The following LDB2 variants were observed in gnomAD, a reference collection of about 807,000 sequenced individuals.
LDB2 encodes the protein LIM domain binding 2.
A neutral mutation model predicts 44.3 loss-of-function variants in LDB2; 12 were observed. That is an observed-to-expected ratio of 0.27 (90% CI 0.17 to 0.44). The LOEUF is 0.44. Ranked by LOEUF, LDB2 falls within the 20% of genes least tolerant of loss-of-function variation. The pLI, the probability that LDB2 is intolerant of heterozygous loss-of-function variation, is 1.00. For synonymous variants in LDB2, 164 were observed against 174.8 expected (o/e 0.94, Z 0.49); for missense variants, 344 against 473.5 (o/e 0.73, Z 2.54).
chr4:16,856,532 T>G (rs1789392784), intron 1 of LDB2, among the ~76,000 whole-genome samples: 1 of 152,200 alleles, frequency 6.6e-6, no homozygotes, highest in African/African-American at 2.4e-5. Context: ...GTCAAAGTTT[T>G]AACTACTCAA....
At chr4:16,759,135 A>G in intron 2 of LDB2, 23 bp downstream of exon 2, 1 of 1,538,450 alleles carries the variant, frequency 6.5e-7, no homozygotes, top group East Asian at 2.2e-5. Context: ...AGGTAATATT[A>G]GAAAAATAAA....
chr4:16,680,228 C>T (rs1747465428), intron 2 of LDB2, among the ~76,000 whole-genome samples: 1 of 152,336 alleles, frequency 6.6e-6, no homozygotes, highest in East Asian at 1.9e-4. Flanking sequence ...TGCTGGACTT[C>T]CCTGCTTTCA....
rs1197875360 is a variant in LDB2, at chr4:16,739,656, A to G, written c.235+19502T>C. Among the ~76,000 whole-genome samples, 2 of 86,252 alleles carry G rather than the reference A, an allele frequency of 2.3e-5. 1 individual carries two copies. The highest frequency in any genetic ancestry group is 6.6e-4 in the South Asian group (2 of 3,046). 56.6% of individuals were successfully genotyped at this position (86,252 alleles called of 152,430 possible). A position where few individuals can be genotyped will look rare whatever the true frequency, so the allele number is the denominator to read the frequency against. On this transcript the variant is annotated intron_variant, in intron 2 of 7. Coordinates refer to ENST00000304523, the MANE Select transcript of LDB2 (RefSeq NM_001290.5). ...TATATGTATATATACATATGTGTGT[A>G]TATATGTATATATACATATGTGTGT...
intron 2 of LDB2, among the ~76,000 whole-genome samples, chr4:16,677,353 A>G (rs1746604757): frequency 6.6e-6 from 1 of 152,240 alleles, no homozygotes; most frequent in Non-Finnish European, 1.5e-5. Flanking sequence ...ACAAATAAAA[A>G]TGTATTCACA....
intron 1 of LDB2, among the ~76,000 whole-genome samples, chr4:16,875,323 A>T (rs185580111): frequency 6.6e-6 from 1 of 152,322 alleles, no homozygotes; most frequent in African/African-American, 2.4e-5. Context: ...ATACAAAATT[A>T]ATTTATCAAT....
At chr4:16,624,246 C>T (rs111612397) in intron 2 of LDB2, among the ~76,000 whole-genome samples, 236 of 152,164 alleles carry the variant, frequency 1.6e-3, no homozygotes, top group African/African-American at 5.2e-3. Context: ...CTCAAAACTG[C>T]ACACTGAAAT....
At chr4:16,576,061 A>G (rs1265167123) in intron 5 of LDB2, among the ~76,000 whole-genome samples, 1 of 152,222 alleles carries the variant, frequency 6.6e-6, no homozygotes, top group Non-Finnish European at 1.5e-5. Context: ...TAATAGAAAC[A>G]TAACATACAA....
chr4:16,586,765 T>C (rs1717132955), intron 4 of LDB2, among the ~76,000 whole-genome samples: 1 of 152,180 alleles, frequency 6.6e-6, no homozygotes, highest in Admixed American at 6.5e-5. Flanking sequence ...TGGGATCCAT[T>C]TTAAAATGAC....
chr4:16,871,865 G>T (rs1190862103), intron 1 of LDB2, among the ~76,000 whole-genome samples: 2 of 151,908 alleles, frequency 1.3e-5, no homozygotes, highest in African/African-American at 4.8e-5. Context: ...CAGATGATCC[G>T]CCCACCTCGG....
chr4:16,827,045 G>A (rs561103081), intron 1 of LDB2, among the ~76,000 whole-genome samples: 2 of 152,270 alleles, frequency 1.3e-5, no homozygotes, highest in East Asian at 1.9e-4. Context: ...TGAAGAAAGT[G>A]CAAACCAGTT....
intron 1 of LDB2, among the ~76,000 whole-genome samples, chr4:16,856,524 C>A (rs1490369705): frequency 6.6e-6 from 1 of 152,104 alleles, no homozygotes; most frequent in Non-Finnish European, 1.5e-5. Context: ...TTTTGCAGGT[C>A]AAAGTTTTAA....
chr4:16,590,764 G>A (rs1718648973), intron 3 of LDB2, among the ~76,000 whole-genome samples: 1 of 152,174 alleles, frequency 6.6e-6, no homozygotes, highest in African/African-American at 2.4e-5. Context: ...TCAGGCATGT[G>A]GGCACATTGC....
At chr4:16,844,248 CAAAAAAAAAAAAAA>C (rs34034796) in intron 1 of LDB2, among the ~76,000 whole-genome samples, 2 of 30,060 alleles carry the variant, frequency 6.7e-5, no homozygotes, top group Admixed American at 5.8e-4. Context: ...ACCCTGTCTC[CAAAAAAAAAAAAAA>C]AAAAAAAAAA....
chr4:16,863,038 C>T (rs748998180), intron 1 of LDB2, among the ~76,000 whole-genome samples: 15 of 152,112 alleles, frequency 9.9e-5, no homozygotes, highest in South Asian at 2.1e-4. Flanking sequence ...ACAGAGGGCA[C>T]GGGCTCCAGC....
intron 1 of LDB2, among the ~76,000 whole-genome samples, chr4:16,783,732 C>A (rs1773810904): frequency 6.6e-6 from 1 of 152,210 alleles, no homozygotes; most frequent in Admixed American, 6.5e-5. Flanking sequence ...TTCCTAATTG[C>A]TTCCTCATGG....
Position 16,533,344 on chromosome 4 carries a change from C to T in LDB2, c.616-21240G>A, listed in dbSNP as rs994430101. The stretch of plus-strand genomic sequence containing the variant: ...AAAGTTAAAAAACCATTCATGTCTG[C>T]AAAAATGGAAATAATAATAGCTACC... On this transcript the variant is annotated intron_variant, in intron 5 of 7. Coordinates refer to ENST00000304523, the MANE Select transcript of LDB2 (RefSeq NM_001290.5). This position sits in a 1 kb window ranked among gnomAD's most constrained non-coding sequence, Gnocchi z 4.1. 2.0e-5 allele frequency among the ~76,000 whole-genome samples: 3 copies of T among 152,080 alleles called. No individual in the cohort carries two copies. The highest frequency in any genetic ancestry group is 4.4e-5 in the Non-Finnish European group (3 of 68,014).
At chr4:16,734,695 CTTGTT>C (rs1761487543) in intron 2 of LDB2, among the ~76,000 whole-genome samples, 1 of 134,390 alleles carries the variant, frequency 7.4e-6, no homozygotes, top group Non-Finnish European at 1.6e-5. Context: ...TTCCCAACTT[CTTGTT>C]TTCTTTTTTT....
At chr4:16,785,630 G>A (rs1177479369) in intron 1 of LDB2, among the ~76,000 whole-genome samples, 4 of 152,190 alleles carry the variant, frequency 2.6e-5, no homozygotes, top group South Asian at 4.1e-4. Context: ...AGCATGAGAA[G>A]TGGTTCCTGA....
chr4:16,614,239 C>A (rs1726492534), intron 2 of LDB2, among the ~76,000 whole-genome samples: 1 of 152,150 alleles, frequency 6.6e-6, no homozygotes, highest in Non-Finnish European at 1.5e-5. Flanking sequence ...AACCAGACCC[C>A]TTCCTTAACA....
Sources: allele counts gnomAD v4.1 joint callset (sites outside exome capture counted in the v4.1 genomes callset), GRCh38; gene constraint gnomAD v4.1.1; non-coding constraint Gnocchi (gnomAD v3.1); transcripts MANE v1.5; gene names NCBI Gene and HGNC (gene_info 2026-07-23, HGNC 2026-07-21).